Variants in LYPLAL1 observed in about 807,000 individuals in gnomAD.
The protein encoded by LYPLAL1 is lysophospholipase-like protein 1.
Under a neutral mutation model 19.7 loss-of-function variants are expected in LYPLAL1, and 23 were observed. That is an observed-to-expected ratio of 1.17 (90% confidence interval 0.84 to 1.65). The LOEUF (loss-of-function observed/expected upper bound fraction) is 1.65. Ranked by LOEUF, LYPLAL1 falls within the 40% of genes most tolerant of loss-of-function variation. LYPLAL1 has a pLI of 0.00. For synonymous variants in LYPLAL1, 119 were observed against 96.3 expected (o/e 1.24, Z -1.38); for missense variants, 355 against 279.4 (o/e 1.27, Z -1.93).
the LYPLAL1 span, among the ~76,000 whole-genome samples, chr1:219,281,110 A>G: frequency 6.6e-6 from 1 of 152,310 alleles, no homozygotes; most frequent in South Asian, 2.1e-4. Context: ...AGTTTTAAAG[A>G]AGTACTCAGG....
At chr1:219,442,945 T>C in the LYPLAL1 span, among the ~76,000 whole-genome samples, 1 of 152,288 alleles carries the variant, frequency 6.6e-6, no homozygotes, top group South Asian at 2.1e-4. Context: ...ATTTTCTTTC[T>C]TCAGTCAAGT....
At chr1:219,179,064 T>C in intron 1 of LYPLAL1, 83 bp from the exon 2 acceptor site, 3 of 852,328 alleles carry the variant, frequency 3.5e-6, no homozygotes, top group African/African-American at 3.5e-5. Flanking sequence ...CCATCCTCTG[T>C]GTGACATAAA....
At chr1:219,230,411 G>A in the LYPLAL1 span, among the ~76,000 whole-genome samples, 11 of 152,208 alleles carry the variant, frequency 7.2e-5, no homozygotes, top group Non-Finnish European at 1.0e-4. Context: ...GCACCCGGCC[G>A]TAGGTTTATC....
chr1:219,385,230 C>T, the LYPLAL1 span, among the ~76,000 whole-genome samples: 1 of 152,134 alleles, frequency 6.6e-6, no homozygotes, highest in Non-Finnish European at 1.5e-5. Context: ...CTGCCAGAAT[C>T]GAACTTCTAT....
At chr1:219,228,344 G>A in the LYPLAL1 span, among the ~76,000 whole-genome samples, 2 of 151,994 alleles carry the variant, frequency 1.3e-5, no homozygotes, top group East Asian at 3.9e-4. Context: ...TCTTTATGGA[G>A]AGCAGATACC....
chr1:219,233,890 A>T, the LYPLAL1 span, among the ~76,000 whole-genome samples: 3 of 152,236 alleles, frequency 2.0e-5, no homozygotes, highest in African/African-American at 7.2e-5. Flanking sequence ...AAGGTAGTAT[A>T]ATCTCTGCCT....
chr1:219,232,240 A>G, the LYPLAL1 span, among the ~76,000 whole-genome samples: 1 of 152,238 alleles, frequency 6.6e-6, no homozygotes, highest in African/African-American at 2.4e-5. Context: ...TAGCTCTTCT[A>G]TAACTCAACA....
At chr1:219,320,710 G>A in the LYPLAL1 span, among the ~76,000 whole-genome samples, 4 of 152,026 alleles carry the variant, frequency 2.6e-5, no homozygotes, top group South Asian at 2.1e-4. Context: ...CTGTGCTTGC[G>A]ATAGTTTGCT....
the LYPLAL1 span, among the ~76,000 whole-genome samples, chr1:219,288,063 T>C: frequency 6.6e-6 from 1 of 152,210 alleles, no homozygotes; most frequent in Non-Finnish European, 1.5e-5. Context: ...TAGTTCTTTA[T>C]AGCAGTGTGA....
the LYPLAL1 span, among the ~76,000 whole-genome samples, chr1:219,245,669 A>G: frequency 6.6e-6 from 1 of 152,218 alleles, no homozygotes; most frequent in Non-Finnish European, 1.5e-5. Context: ...ATTGTGTACA[A>G]CTGGAGAATG....
chr1:219,397,845 G>A, the LYPLAL1 span, among the ~76,000 whole-genome samples: 22 of 152,242 alleles, frequency 1.4e-4, no homozygotes, highest in South Asian at 4.1e-4. Context: ...ATTCTGGCTC[G>A]TTTTTTCTTC....
the LYPLAL1 span, among the ~76,000 whole-genome samples, chr1:219,234,682 C>T: frequency 2.6e-5 from 4 of 152,128 alleles, no homozygotes; most frequent in South Asian, 2.1e-4. Flanking sequence ...TAAAACACCT[C>T]GAGACATTCA....
the LYPLAL1 span, among the ~76,000 whole-genome samples, chr1:219,254,361 T>G: frequency 6.6e-6 from 1 of 152,062 alleles, no homozygotes; most frequent in Non-Finnish European, 1.5e-5. Context: ...TTTTTGTGGT[T>G]GCTTTATAGT....
the LYPLAL1 span, among the ~76,000 whole-genome samples, chr1:219,298,117 G>A: frequency 9.9e-5 from 15 of 152,062 alleles, no homozygotes; most frequent in Non-Finnish European, 1.8e-4. Context: ...TGAGACCAGC[G>A]TGGGTAACAT....
At chr1:219,174,776 C>T (rs1655675200) in intron 1 of LYPLAL1, among the ~76,000 whole-genome samples, 1 of 152,160 alleles carries the variant, frequency 6.6e-6, no homozygotes. Flanking sequence ...CCAGGGTAAG[C>T]TCTCAGGAAA....
At chr1:219,359,968 C>A in the LYPLAL1 span, among the ~76,000 whole-genome samples, 2 of 152,184 alleles carry the variant, frequency 1.3e-5, no homozygotes, top group Admixed American at 6.5e-5. Flanking sequence ...AAAATTTCCT[C>A]CCTCTAATAG....
the LYPLAL1 span, among the ~76,000 whole-genome samples, chr1:219,440,024 C>CACATATATAT: frequency 2.5e-4 from 33 of 132,378 alleles, no homozygotes; most frequent in Admixed American, 1.9e-3. Context: ...CACACACACA[C>CACATATATAT]ATATATATAT....
chr1:219,432,768 G>A, the LYPLAL1 span, among the ~76,000 whole-genome samples: 1 of 152,188 alleles, frequency 6.6e-6, no homozygotes, highest in Non-Finnish European at 1.5e-5. Flanking sequence ...TTAAAGTTAA[G>A]CACTTAGAAT....
At chr1:219,268,971 A>T in the LYPLAL1 span, among the ~76,000 whole-genome samples, 3 of 152,234 alleles carry the variant, frequency 2.0e-5, no homozygotes, top group Admixed American at 2.0e-4. Flanking sequence ...AATCTGCTTA[A>T]CGTTCATTGT....
Sources: gnomAD v4.1 joint callset for allele counts (sites outside exome capture counted in the v4.1 genomes callset) on GRCh38, gnomAD v4.1.1 for gene constraint, MANE v1.5 for transcripts, NCBI Gene and HGNC (gene_info 2026-07-23, HGNC 2026-07-21) for gene names.